SLC1A1: variants seen among roughly 807,000 people sequenced by gnomAD.
SLC1A1 encodes the protein solute carrier family 1 member 1, also known as excitatory amino acid transporter 3.
In SLC1A1, 43 loss-of-function variants were observed where a neutral mutation model predicts 53.3. That is an observed-to-expected ratio of 0.81 (90% CI 0.63 to 1.04). SLC1A1 has a LOEUF of 1.04. SLC1A1 is among the 50% of genes least tolerant of loss of function. The probability of loss-of-function intolerance (pLI) is 0.00; values close to 1 mark genes in which losing one functional copy is unlikely to be tolerated. For missense variants in SLC1A1, 748 were observed against 664.9 expected, an observed-to-expected ratio of 1.12 and a Z score of -1.37; for synonymous variants, 307 against 243.2, an observed-to-expected ratio of 1.26 and a Z score of -2.44.
intron 8 of SLC1A1, among the ~76,000 whole-genome samples, chr9:4,575,556 G>A (rs1157752585): frequency 6.6e-6 from 1 of 152,160 alleles, no homozygotes; most frequent in South Asian, 2.1e-4. Flanking sequence ...AGGTAGTGGT[G>A]ACATACAGGG....
chr9:4,536,517 G>C (rs1340401015), intron 1 of SLC1A1, among the ~76,000 whole-genome samples: 1 of 152,168 alleles, frequency 6.6e-6, no homozygotes, highest in African/African-American at 2.4e-5. Flanking sequence ...CAGTTAGAAT[G>C]GCAATCATTA....
intron 6 of SLC1A1, among the ~76,000 whole-genome samples, chr9:4,570,118 C>A (rs1819883605): frequency 6.6e-6 from 1 of 152,172 alleles, no homozygotes; most frequent in African/African-American, 2.4e-5. Flanking sequence ...GATTCCTCAG[C>A]CCTAGCTTTC....
intron 2 of SLC1A1, among the ~76,000 whole-genome samples, chr9:4,558,533 T>C (rs1818640044): frequency 6.6e-6 from 1 of 152,232 alleles, no homozygotes; most frequent in Non-Finnish European, 1.5e-5. Flanking sequence ...CTTGGGGATG[T>C]ATTTGTTTAA....
chr9:4,533,897 T>G (rs1816572176), intron 1 of SLC1A1, among the ~76,000 whole-genome samples: 1 of 152,176 alleles, frequency 6.6e-6, no homozygotes, highest in Non-Finnish European at 1.5e-5. Flanking sequence ...AACTCAGGAT[T>G]GAGAAACTCA....
In SLC1A1 at chr9:4,583,305, T is replaced by C; in HGVS notation, c.1328+133T>C. ...ACCTGTTGCTGCTTTAATTTTCCTCTGACCAGGCCATCTGATAACATGCCT... is the reference window on the plus strand; with the variant it reads ...ACCTGTTGCTGCTTTAATTTTCCTCCGACCAGGCCATCTGATAACATGCCT... On this transcript the variant is annotated intron_variant, in intron 11 of 11. Transcript: ENST00000262352. This position sits in a 1 kb window ranked among gnomAD's most constrained non-coding sequence, Gnocchi z 4.6. The C allele has an allele frequency of 1.7e-6, 2 of 1,143,164 alleles. No homozygotes were observed. The highest frequency in any genetic ancestry group is 2.6e-6 in the Non-Finnish European group (2 of 762,586). 70.8% of individuals were successfully genotyped at this position (1,143,164 alleles called of 1,614,324 possible).
chr9:4,581,795 G>A (rs1002926748), intron 10 of SLC1A1, among the ~76,000 whole-genome samples: 62 of 152,120 alleles, frequency 4.1e-4, no homozygotes, highest in African/African-American at 1.4e-3. Context: ...TAATTTGGTG[G>A]TCAAAACCAC....
chr9:4,491,137 C>A (rs1257108167), intron 1 of SLC1A1, among the ~76,000 whole-genome samples: 1 of 152,232 alleles, frequency 6.6e-6, no homozygotes, highest in African/African-American at 2.4e-5. Flanking sequence ...CCCCTATCAC[C>A]GCCACCTTCC....
chr9:4,519,258 TAATA>T (rs2130827776), intron 1 of SLC1A1, among the ~76,000 whole-genome samples: 1 of 152,368 alleles, frequency 6.6e-6, no homozygotes, highest in East Asian at 1.9e-4. Flanking sequence ...ATACAAATAA[TAATA>T]AATACATTCT....
At chr9:4,550,162 G>C (rs1817808503) in intron 2 of SLC1A1, among the ~76,000 whole-genome samples, 1 of 152,164 alleles carries the variant, frequency 6.6e-6, no homozygotes, top group South Asian at 2.1e-4. Flanking sequence ...GAAAATATTT[G>C]CGTTTTGTTT....
chr9:4,529,436 C>G (rs1027313254), intron 1 of SLC1A1, among the ~76,000 whole-genome samples: 1 of 152,178 alleles, frequency 6.6e-6, no homozygotes, highest in South Asian at 2.1e-4. Flanking sequence ...AATGTCTCTA[C>G]TCTTTTGATG....
chr9:4,515,580 G>C (rs573323187), intron 1 of SLC1A1, among the ~76,000 whole-genome samples: 2 of 151,786 alleles, frequency 1.3e-5, no homozygotes, highest in East Asian at 3.9e-4. Context: ...TGCCCAAGAA[G>C]AGGGTGGAAG....
chr9:4,579,122 A>G (rs2129838050), intron 10 of SLC1A1, among the ~76,000 whole-genome samples: 1 of 152,362 alleles, frequency 6.6e-6, no homozygotes, highest in Non-Finnish European at 1.5e-5. Context: ...CATTTGGCAC[A>G]CCAGCTGGGG....
In SLC1A1 at chr9:4,505,045, C is replaced by CTTTTTTT. The variant is rs3038189; in HGVS notation, c.91+14288_91+14294dup. 1.7e-3 allele frequency among the ~76,000 whole-genome samples: 194 copies of CTTTTTTT among 114,964 alleles called. 5 individuals carry two copies. Among genetic ancestry groups the CTTTTTTT allele is most frequent in the Non-Finnish European group, 2.6e-3 (152 of 58,310 alleles). 75.4% of individuals were successfully genotyped at this position (114,964 alleles called of 152,430 possible). A position where few individuals can be genotyped will look rare whatever the true frequency, so the allele number is the denominator to read the frequency against. On this transcript the variant is annotated intron_variant, in intron 1 of 11. Coordinates refer to ENST00000262352, the MANE Select transcript of SLC1A1 (RefSeq NM_004170.6). ...TGGGGGTGTATGTGTACATATATTT[C>CTTTTTTT]TTTTTTTTTTTTTTTTTTTGAGATA...
At chr9:4,498,832 G>A (rs984202925) in intron 1 of SLC1A1, among the ~76,000 whole-genome samples, 18 of 149,330 alleles carry the variant, frequency 1.2e-4, no homozygotes, top group Admixed American at 2.0e-4. Flanking sequence ...GTGTGTGTGT[G>A]TATATATATG....
Position 4,490,611 on chromosome 9 carries a change from C to A in SLC1A1, c.-69C>A. On this transcript the variant is annotated 5_prime_UTR_variant, in exon 1 of 12. Coordinates refer to ENST00000262352, the MANE Select transcript of SLC1A1 (RefSeq NM_004170.6). The stretch of plus-strand genomic sequence containing the variant: ...CGCATCTCGCCGCGCCGCCGAGCAG[C>A]CAGCAGTCCCCGGGTCGCCCAGCCC... The A allele has an allele frequency of 7.7e-7, 1 of 1,297,330 alleles. No individual in the cohort carries two copies. The highest frequency in any genetic ancestry group is 1.1e-6 in the Non-Finnish European group (1 of 906,748). 80.4% of individuals were successfully genotyped at this position (1,297,330 alleles called of 1,614,324 possible).
At chr9:4,537,054 G>T (rs1275477827) in intron 1 of SLC1A1, among the ~76,000 whole-genome samples, 1 of 151,916 alleles carries the variant, frequency 6.6e-6, no homozygotes, top group Non-Finnish European at 1.5e-5. Flanking sequence ...GGAGTGGGGG[G>T]AGGAGGGAGG....
chr9:4,496,366 G>A (rs551257218), intron 1 of SLC1A1, among the ~76,000 whole-genome samples: 13 of 152,084 alleles, frequency 8.5e-5, no homozygotes, highest in South Asian at 2.1e-4. Flanking sequence ...TGGAAGTCAC[G>A]TTTAAGATCC....
At chr9:4,522,304 G>A (rs1467488595) in intron 1 of SLC1A1, among the ~76,000 whole-genome samples, 1 of 152,018 alleles carries the variant, frequency 6.6e-6, no homozygotes, top group Non-Finnish European at 1.5e-5. Context: ...GCCCGCCTCA[G>A]CCTCCCAAAG....
chr9:4,550,818 TGA>T (rs1817867460), intron 2 of SLC1A1, among the ~76,000 whole-genome samples: 1 of 152,242 alleles, frequency 6.6e-6, no homozygotes, highest in Non-Finnish European at 1.5e-5. Flanking sequence ...GATTTTTCTA[TGA>T]AGGGCCCAAT....
Sources: gnomAD v4.1 joint callset for allele counts (sites outside exome capture counted in the v4.1 genomes callset) on GRCh38, gnomAD v4.1.1 for gene constraint, Gnocchi (gnomAD v3.1) non-coding constraint, MANE v1.5 for transcripts, NCBI Gene and HGNC (gene_info 2026-07-23, HGNC 2026-07-21) for gene names.